ZNF521: variants seen among roughly 807,000 people sequenced by gnomAD.
The protein encoded by ZNF521 is zinc finger protein 521, also known as LYST-interacting protein 3.
ZNF521 carries 14 observed loss-of-function variants against 105.5 expected under a neutral mutation model. The ratio of observed to expected loss-of-function variants is 0.13; its 90% CI spans 0.09 to 0.21. The LOEUF (loss-of-function observed/expected upper bound fraction) is 0.21. Ranked by LOEUF, ZNF521 falls within the 10% of genes least tolerant of loss-of-function variation. The probability of loss-of-function intolerance (pLI) is 1.00; values close to 1 mark genes in which losing one functional copy is unlikely to be tolerated. For missense variants in ZNF521, 1,233 were observed against 1,629.7 expected, an observed-to-expected ratio of 0.76 and a Z score of 4.19; for synonymous variants, 635 against 606.0, an observed-to-expected ratio of 1.05 and a Z score of -0.70.
chr18:25,344,492 A>C (rs1180004684), intron 2 of ZNF521, among the ~76,000 whole-genome samples: 10 of 152,220 alleles, frequency 6.6e-5, no homozygotes, highest in African/African-American at 2.4e-4. Context: ...GTCCCCAAAC[A>C]AAAAACAGGA....
intron 5 of ZNF521, among the ~76,000 whole-genome samples, chr18:25,126,182 A>C (rs1783741798): frequency 6.6e-6 from 1 of 152,050 alleles, no homozygotes; most frequent in Non-Finnish European, 1.5e-5. Context: ...TCTAACCCCT[A>C]AACAGGTCTC....
intron 5 of ZNF521, among the ~76,000 whole-genome samples, chr18:25,110,638 T>C (rs970579142): frequency 4.6e-5 from 7 of 151,678 alleles, no homozygotes; most frequent in African/African-American, 1.5e-4. Flanking sequence ...CCTTTACTTG[T>C]GACAGGCTTC....
Position 25,225,056 on chromosome 18 carries a change from G to A in ZNF521, c.2862C>T (p.Gly954=), listed in dbSNP as rs774492204. 5.0e-6 allele frequency: 8 copies of A among 1,614,082 alleles called. No individual in the cohort carries two copies. The highest frequency in any genetic ancestry group is 1.6e-4 in the Middle Eastern group (1 of 6,084). ...TAGGGCACATGTAGTGTTTGACAGG[G>A]CCTAGGTGGGTCTGCATATGTTCCC... is the stretch of plus-strand genomic sequence containing the variant. The part of the protein sequence containing the change: ...GLREHMQTHL[G]PVKHYMCPIC... Residue 954 remains glycine (G), a synonymous_variant, in exon 4 of 8, where the codon GGC becomes GGT. Coordinates refer to ENST00000361524, the MANE Select transcript of ZNF521 (RefSeq NM_015461.3). This position sits in a 1 kb window ranked among gnomAD's most constrained non-coding sequence, Gnocchi z 5.6.
chr18:25,169,494 C>T (rs2035409266), intron 5 of ZNF521, among the ~76,000 whole-genome samples: 1 of 152,072 alleles, frequency 6.6e-6, no homozygotes, highest in African/African-American at 2.4e-5. Context: ...GTATTGTGTG[C>T]AAAGCCAGCA....
intron 5 of ZNF521, among the ~76,000 whole-genome samples, chr18:25,108,248 T>C (rs1047174846): frequency 8.5e-5 from 13 of 152,232 alleles, no homozygotes; most frequent in African/African-American, 2.7e-4. Context: ...TTAAAGTATA[T>C]GCAATATACA....
chr18:25,291,300 C>A (rs1022066235), intron 3 of ZNF521, among the ~76,000 whole-genome samples: 4 of 152,114 alleles, frequency 2.6e-5, no homozygotes, highest in Admixed American at 6.6e-5. Flanking sequence ...CTACACTCAA[C>A]ATGAAAAGAT....
chr18:25,166,929 C>T (rs1263403104), intron 5 of ZNF521, among the ~76,000 whole-genome samples: 1 of 152,162 alleles, frequency 6.6e-6, no homozygotes, highest in Non-Finnish European at 1.5e-5. Flanking sequence ...AGCTAATATG[C>T]TATTAGTGTT....
At chr18:25,190,385 G>A (rs933614433) in intron 5 of ZNF521, among the ~76,000 whole-genome samples, 3 of 152,146 alleles carry the variant, frequency 2.0e-5, no homozygotes, top group African/African-American at 7.2e-5. Flanking sequence ...CACACATATA[G>A]GCATTATTGT....
intron 5 of ZNF521, among the ~76,000 whole-genome samples, chr18:25,158,390 A>G (rs557245514): frequency 6.6e-6 from 1 of 152,046 alleles, no homozygotes; most frequent in Non-Finnish European, 1.5e-5. Context: ...TGAGTAATTA[A>G]TTTTTTAATT....
intron 3 of ZNF521, among the ~76,000 whole-genome samples, chr18:25,308,928 A>G (rs568694807): frequency 1.3e-5 from 2 of 152,154 alleles, no homozygotes; most frequent in South Asian, 4.1e-4. Context: ...CAATATAATA[A>G]TATTTATATT....
intron 5 of ZNF521, among the ~76,000 whole-genome samples, chr18:25,173,748 A>G (rs994073751): frequency 3.3e-5 from 5 of 152,224 alleles, no homozygotes; most frequent in Non-Finnish European, 7.3e-5. Flanking sequence ...AAATGGAAAG[A>G]AAATTTAAGA....
At chr18:25,092,677 A>T (rs2033771291) in intron 5 of ZNF521, among the ~76,000 whole-genome samples, 1 of 152,146 alleles carries the variant, frequency 6.6e-6, no homozygotes, top group Non-Finnish European at 1.5e-5. Context: ...TCTGGAAGAC[A>T]GTTTCAATTT....
chr18:25,264,415 C>T (rs889981709), intron 3 of ZNF521, among the ~76,000 whole-genome samples: 1 of 152,172 alleles, frequency 6.6e-6, no homozygotes, highest in Non-Finnish European at 1.5e-5. Context: ...CTATTAACTA[C>T]ACTATTTTTT....
chr18:25,324,969 T>C (rs925431315), intron 2 of ZNF521, among the ~76,000 whole-genome samples: 20 of 152,236 alleles, frequency 1.3e-4, no homozygotes, highest in Non-Finnish European at 2.5e-4. Flanking sequence ...CAATTGCAGA[T>C]AGAACCCTTC....
chr18:25,169,302 T>G (rs1332621752), intron 5 of ZNF521, among the ~76,000 whole-genome samples: 1 of 152,140 alleles, frequency 6.6e-6, no homozygotes, highest in African/African-American at 2.4e-5. Flanking sequence ...TTCATGAGAG[T>G]TGCATGAAAG....
intron 3 of ZNF521, among the ~76,000 whole-genome samples, chr18:25,287,090 C>T (rs1296981631): frequency 1.3e-5 from 2 of 152,088 alleles, no homozygotes; most frequent in Admixed American, 6.5e-5. Context: ...AAGGAAAATG[C>T]TTCTCTGTAA....
At chr18:25,209,619 G>A (rs1335065939) in intron 4 of ZNF521, among the ~76,000 whole-genome samples, 1 of 151,738 alleles carries the variant, frequency 6.6e-6, no homozygotes, top group Non-Finnish European at 1.5e-5. Context: ...GGATTAGAGG[G>A]TAGAAATCCT....
chr18:25,119,307 C>G (rs904519490), intron 5 of ZNF521, among the ~76,000 whole-genome samples: 1 of 152,160 alleles, frequency 6.6e-6, no homozygotes, highest in South Asian at 2.1e-4. Flanking sequence ...ACAACACTCT[C>G]AACCACCTTG....
intron 2 of ZNF521, among the ~76,000 whole-genome samples, chr18:25,324,011 T>C (rs146980696): frequency 2.1e-3 from 319 of 152,264 alleles, no homozygotes; most frequent in African/African-American, 7.4e-3. Flanking sequence ...TTTAAGTACA[T>C]TGGTAATTTG....
Sources: allele counts gnomAD v4.1 joint callset (sites outside exome capture counted in the v4.1 genomes callset), GRCh38; gene constraint gnomAD v4.1.1; non-coding constraint Gnocchi (gnomAD v3.1); transcripts MANE v1.5; gene names NCBI Gene and HGNC (gene_info 2026-07-23, HGNC 2026-07-21).